The following SLC44A5 variants were observed in gnomAD, a reference collection of about 807,000 sequenced individuals.
SLC44A5 encodes the protein choline transporter-like protein 5.
A neutral mutation model predicts 101.8 loss-of-function variants in SLC44A5; 57 were observed. The observed-to-expected ratio is 0.56, with a 90% CI of 0.45 to 0.70. The LOEUF (loss-of-function observed/expected upper bound fraction) is 0.70. SLC44A5 is among the 30% of genes least tolerant of loss of function. SLC44A5 has a pLI of 0.00. For missense variants in SLC44A5, 737 were observed against 853.1 expected (o/e 0.86, Z 1.70); for synonymous variants, 281 against 290.9 (o/e 0.97, Z 0.35).
chr1:75,242,298 AG>A (rs1648703657), intron 8 of SLC44A5, among the ~76,000 whole-genome samples: 1 of 152,082 alleles, frequency 6.6e-6, no homozygotes, highest in South Asian at 2.1e-4. Context: ...TCTGAAAACA[AG>A]GAACACCTTT....
chr1:75,677,449 G>A, the SLC44A5 span, among the ~76,000 whole-genome samples: 11 of 152,040 alleles, frequency 7.2e-5, no homozygotes, highest in Non-Finnish European at 1.2e-4. Flanking sequence ...AAGCCTCATG[G>A]TAACCTCAAA....
chr1:75,402,905 G>T (rs4949852), intron 2 of SLC44A5, among the ~76,000 whole-genome samples: 29,637 of 152,050 alleles, frequency 0.19, 4,148 homozygotes, highest in East Asian at 0.81. Context: ...TAGCTCAGTG[G>T]ATCCCACACA....
At chr1:75,609,906 T>G (rs1675552573) in intron 1 of SLC44A5, among the ~76,000 whole-genome samples, 1 of 152,112 alleles carries the variant, frequency 6.6e-6, no homozygotes, top group Non-Finnish European at 1.5e-5. Flanking sequence ...TTATGGTTTC[T>G]GTGATTCAGG....
intron 6 of SLC44A5, among the ~76,000 whole-genome samples, chr1:75,272,084 CAT>C (rs1280322296): frequency 2.0e-5 from 3 of 151,980 alleles, no homozygotes; most frequent in African/African-American, 7.2e-5. Flanking sequence ...GGCATTTTTT[CAT>C]ATGTTTGTTG....
At chr1:75,659,489 G>GAAGGAAGGAAGGAAGGAAGGAAGGAAGA in the SLC44A5 span, among the ~76,000 whole-genome samples, 521 of 61,424 alleles carry the variant, frequency 8.5e-3, 46 homozygotes, top group Middle Eastern at 0.018. Context: ...AGGAAGGAAG[G>GAAGGAAGGAAGGAAGGAAGGAAGGAAGA]AAGGCAGGCA....
intron 2 of SLC44A5, among the ~76,000 whole-genome samples, chr1:75,460,888 C>A (rs1000278365): frequency 6.6e-6 from 1 of 152,034 alleles, no homozygotes; most frequent in African/African-American, 2.4e-5. Context: ...TAATTGTTCA[C>A]TTTTAGTCAG....
the SLC44A5 span, among the ~76,000 whole-genome samples, chr1:75,719,074 T>C: frequency 6.6e-6 from 1 of 152,138 alleles, no homozygotes; most frequent in African/African-American, 2.4e-5. Context: ...GCTTGGGGAA[T>C]TGAAGTTGAC....
chr1:75,551,815 G>A (rs971220637), intron 1 of SLC44A5, among the ~76,000 whole-genome samples: 41 of 151,928 alleles, frequency 2.7e-4, no homozygotes, highest in African/African-American at 9.7e-4. Context: ...AAAGTGCCTG[G>A]CACATGTTAG....
At chr1:75,225,858 G>A (rs545853713) in intron 13 of SLC44A5, among the ~76,000 whole-genome samples, 1 of 152,212 alleles carries the variant, frequency 6.6e-6, no homozygotes, top group East Asian at 1.9e-4. Context: ...CTTTTCCAAT[G>A]GCAGATTCTG....
intron 5 of SLC44A5, among the ~76,000 whole-genome samples, chr1:75,293,671 G>T (rs1411348477): frequency 6.6e-6 from 1 of 152,154 alleles, no homozygotes. Flanking sequence ...CCTGTATCTT[G>T]TTGCTTAGAT....
chr1:75,643,666 T>A, the SLC44A5 span, among the ~76,000 whole-genome samples: 6 of 152,324 alleles, frequency 3.9e-5, no homozygotes, highest in East Asian at 1.2e-3. Flanking sequence ...TAAATAAGTC[T>A]CACAAGATCC....
intron 3 of SLC44A5, among the ~76,000 whole-genome samples, chr1:75,371,617 C>T (rs1252721379): frequency 6.6e-6 from 1 of 152,202 alleles, no homozygotes; most frequent in Admixed American, 6.5e-5. Flanking sequence ...CCCAGAGTAG[C>T]CACTTTATCT....
chr1:75,624,683 G>C, the SLC44A5 span, among the ~76,000 whole-genome samples: 42,244 of 151,902 alleles, frequency 0.28, 7,053 homozygotes, highest in East Asian at 0.81. Context: ...CCTTGAAAAT[G>C]AGAGCTAAAC....
chr1:75,641,848 C>T, the SLC44A5 span: 1 of 1,507,432 alleles, frequency 6.6e-7, no homozygotes, highest in Non-Finnish European at 9.2e-7. Flanking sequence ...AAATAACCTC[C>T]TCTTCAAATA....
chr1:75,692,185 CTTTTTTTTTT>C, the SLC44A5 span, among the ~76,000 whole-genome samples: 9 of 84,774 alleles, frequency 1.1e-4, no homozygotes, highest in Non-Finnish European at 1.9e-4. Context: ...AGATGGGATT[CTTTTTTTTTT>C]TTTTTTTTTT....
At chr1:75,410,602 C>G (rs1663211599) in intron 2 of SLC44A5, among the ~76,000 whole-genome samples, 1 of 151,878 alleles carries the variant, frequency 6.6e-6, no homozygotes. Context: ...TTATAATATG[C>G]CATAATGGTG....
chr1:75,587,905 C>T (rs975854718), intron 1 of SLC44A5, among the ~76,000 whole-genome samples: 5 of 151,938 alleles, frequency 3.3e-5, no homozygotes, highest in Non-Finnish European at 5.9e-5. Context: ...GGTTCCCCTG[C>T]TCTCACTCTC....
At chr1:75,423,161 AG>A (rs1664113557) in intron 2 of SLC44A5, among the ~76,000 whole-genome samples, 1 of 152,220 alleles carries the variant, frequency 6.6e-6, no homozygotes, top group African/African-American at 2.4e-5. Context: ...AGAAAGCTAT[AG>A]TACTCTCTAC....
At chr1:75,606,693 C>A (rs1285873209) in intron 1 of SLC44A5, among the ~76,000 whole-genome samples, 1 of 151,990 alleles carries the variant, frequency 6.6e-6, no homozygotes, top group African/African-American at 2.4e-5. Flanking sequence ...CTTTGACTTT[C>A]ATATTAATTA....
Sources: allele counts gnomAD v4.1 joint callset (sites outside exome capture counted in the v4.1 genomes callset), GRCh38; gene constraint gnomAD v4.1.1; transcripts MANE v1.5; gene names NCBI Gene and HGNC (gene_info 2026-07-23, HGNC 2026-07-21).